The following TLN2 variants were observed in gnomAD, a reference collection of about 807,000 sequenced individuals.
TLN2 encodes talin 2.
In TLN2, 118 loss-of-function variants were observed where a neutral mutation model predicts 294.7. The observed-to-expected ratio is 0.40, with a 90% CI of 0.34 to 0.47. The LOEUF is 0.47. Ranked by LOEUF, TLN2 falls within the 20% of genes least tolerant of loss-of-function variation. The pLI is 0.84. For missense variants in TLN2, 3,083 were observed against 3,282.2 expected (o/e 0.94, Z 1.48); for synonymous variants, 1,431 against 1,304.5 (o/e 1.10, Z -2.09).
In TLN2 at chr15:62,712,097, T is replaced by C. The variant is rs756456357; in HGVS notation, c.2634+20T>C. On this transcript the variant is annotated intron_variant, in intron 22 of 58. Coordinates refer to ENST00000636159, the MANE Select transcript of TLN2 (RefSeq NM_015059.3). ...GCAAAGGTATTCTACTGGATTTGTT[T>C]GTATGAAAAGTGAACACTATTAAGT... 1 of 1,610,804 alleles carries C rather than the reference T, an allele frequency of 6.2e-7. No homozygotes were observed. Among genetic ancestry groups the C allele is most frequent in the Admixed American group, 1.7e-5 (1 of 59,978 alleles).
intron 50 of TLN2, among the ~76,000 whole-genome samples, chr15:62,801,207 G>C (rs1297289641): frequency 6.6e-6 from 1 of 152,184 alleles, no homozygotes; most frequent in Non-Finnish European, 1.5e-5. Context: ...GAAAAGCCTA[G>C]AAGCCTTTAC....
Position 62,838,966 on chromosome 15 carries a change from G to A in TLN2, c.7485G>A (p.Val2495=), listed in dbSNP as rs200809264. Residue 2495 remains valine, a synonymous_variant, in exon 58 of 59, where the codon GTG becomes GTA. Coordinates refer to ENST00000636159, the MANE Select transcript of TLN2 (RefSeq NM_015059.3). ...ATGTTGTAGTGAAAACCAAGTTTGT[G>A]GGGGGCATTGCTCAGGTTTGTAATT... The part of the protein sequence containing the change: ...DDDVVVKTKF[V]GGIAQIIAAQ... 1 of 1,614,104 alleles carries A rather than the reference G, an allele frequency of 6.2e-7. No homozygotes were observed. Among genetic ancestry groups the A allele is most frequent in the South Asian group, 1.1e-5 (1 of 91,054 alleles).
intron 21 of TLN2, 48 bp downstream of exon 21, chr15:62,708,844 C>G (rs111529197): frequency 4.5e-6 from 7 of 1,552,662 alleles, no homozygotes; most frequent in Non-Finnish European, 6.1e-6. Flanking sequence ...TTTGATGTTC[C>G]TGATGGTGGT....
At chr15:62,702,618 A>T (rs1333162454) in intron 18 of TLN2, 148 bp from the exon 19 acceptor site, 2 of 716,392 alleles carry the variant, frequency 2.8e-6, no homozygotes, top group Non-Finnish European at 4.8e-6. Context: ...TTTCACCGGG[A>T]TGTCTTCTAT....
chr15:62,676,666 G>A (rs546376842), intron 11 of TLN2, among the ~76,000 whole-genome samples: 10 of 152,210 alleles, frequency 6.6e-5, no homozygotes, highest in Non-Finnish European at 1.3e-4. Flanking sequence ...CCAGGCCGGA[G>A]TGCAGTGGCG....
intron 3 of TLN2, chr15:62,640,009 C>T: frequency 2.6e-6 from 1 of 383,478 alleles, no homozygotes; most frequent in Non-Finnish European, 5.2e-6. Context: ...TATGCCTGGC[C>T]TGCTCAGTGC....
chr15:62,616,559 G>A (rs949395689), intron 2 of TLN2, among the ~76,000 whole-genome samples: 1 of 152,110 alleles, frequency 6.6e-6, no homozygotes, highest in African/African-American at 2.4e-5. Flanking sequence ...CTCCCAATGT[G>A]CTGAGATCAC....
chr15:62,391,021 G>A (rs953631383), intron 1 of TLN2, among the ~76,000 whole-genome samples: 3 of 152,230 alleles, frequency 2.0e-5, no homozygotes, highest in Non-Finnish European at 4.4e-5. Flanking sequence ...GTGGGCAGCC[G>A]GTCCCCTCCG....
intron 1 of TLN2, among the ~76,000 whole-genome samples, chr15:62,559,083 C>A (rs1198524035): frequency 1.3e-5 from 2 of 152,284 alleles, no homozygotes; most frequent in South Asian, 4.1e-4. Context: ...TGAACATCCA[C>A]TTTCCCTTCA....
intron 28 of TLN2, among the ~76,000 whole-genome samples, chr15:62,730,759 T>C (rs189876412): frequency 5.3e-5 from 8 of 152,314 alleles, no homozygotes; most frequent in African/African-American, 1.9e-4. Flanking sequence ...CTTTTTGAGT[T>C]TTTTTAGTCT....
At chr15:62,525,683 C>T (rs952656589) in intron 1 of TLN2, among the ~76,000 whole-genome samples, 3 of 152,212 alleles carry the variant, frequency 2.0e-5, no homozygotes, top group African/African-American at 7.2e-5. Flanking sequence ...TAACAGGGTT[C>T]TGGATACCTT....
At chr15:62,431,799 C>G (rs1240686437) in intron 1 of TLN2, among the ~76,000 whole-genome samples, 1 of 152,126 alleles carries the variant, frequency 6.6e-6, no homozygotes, top group Non-Finnish European at 1.5e-5. Context: ...AATGGAAGAC[C>G]AGAAACCCAT....
intron 1 of TLN2, among the ~76,000 whole-genome samples, chr15:62,408,489 A>T (rs72753824): frequency 0.029 from 4,451 of 152,312 alleles, 89 homozygotes; most frequent in Non-Finnish European, 0.046. Flanking sequence ...TTGTCACTGT[A>T]TAGTTCAGCT....
chr15:62,656,616 A>C (rs2053240023), intron 8 of TLN2, among the ~76,000 whole-genome samples: 1 of 152,178 alleles, frequency 6.6e-6, no homozygotes. Flanking sequence ...CTTGTGGCTC[A>C]AGGAAAACAT....
At chr15:62,781,654 TAG>T (rs2064180260) in intron 44 of TLN2, among the ~76,000 whole-genome samples, 1 of 151,898 alleles carries the variant, frequency 6.6e-6, no homozygotes, top group African/African-American at 2.4e-5. Context: ...GGGGATAAAA[TAG>T]AGATGAGATT....
In TLN2 at chr15:62,842,456, G is replaced by T. The variant is rs1431699659; in HGVS notation, c.*1846G>T. On this transcript the variant is annotated 3_prime_UTR_variant, in exon 59 of 59. Coordinates refer to ENST00000636159, the MANE Select transcript of TLN2 (RefSeq NM_015059.3). ...CACACGTGCTTCCAGAGACACTCAG[G>T]AGTCAGACCCCAATGCTCAGAGTCA... The T allele has an allele frequency of 6.6e-6, 1 of 152,192 alleles. No individual in the cohort carries two copies. The highest frequency in any genetic ancestry group is 6.6e-5 in the Admixed American group (1 of 15,260). 9.4% of individuals were successfully genotyped at this position (152,192 alleles called of 1,614,324 possible). A position where few individuals can be genotyped will look rare whatever the true frequency, so the allele number is the denominator to read the frequency against.
chr15:62,806,682 G>C (rs946255179), intron 51 of TLN2, among the ~76,000 whole-genome samples: 1 of 152,068 alleles, frequency 6.6e-6, no homozygotes, highest in Non-Finnish European at 1.5e-5. Context: ...CTTTATTTTT[G>C]ATCTATTAGG....
chr15:62,563,261 T>C (rs746020736), intron 1 of TLN2, among the ~76,000 whole-genome samples: 1 of 152,174 alleles, frequency 6.6e-6, no homozygotes, highest in Non-Finnish European at 1.5e-5. Context: ...ACATCTATTA[T>C]GTTTTTTATT....
intron 1 of TLN2, among the ~76,000 whole-genome samples, chr15:62,564,792 A>G (rs2043245531): frequency 6.6e-6 from 1 of 151,592 alleles, no homozygotes; most frequent in Non-Finnish European, 1.5e-5. Flanking sequence ...CTGTACTTCC[A>G]GCTACTGGGG....
Sources: gnomAD v4.1 joint callset for allele counts (sites outside exome capture counted in the v4.1 genomes callset) on GRCh38, gnomAD v4.1.1 for gene constraint, MANE v1.5 for transcripts, NCBI Gene and HGNC (gene_info 2026-07-23, HGNC 2026-07-21) for gene names.